Variants in CWH43 observed in about 807,000 individuals in gnomAD.
CWH43 encodes PGAP2-interacting protein.
CWH43 carries 91 observed loss-of-function variants against 85.7 expected under a neutral mutation model. The ratio of observed to expected loss-of-function variants is 1.06; its 90% confidence interval spans 0.90 to 1.26. CWH43 has a LOEUF of 1.26. Ranked by LOEUF, CWH43 falls within the 50% of genes most tolerant of loss-of-function variation. The pLI is 0.00. For missense variants in CWH43, 869 were observed against 839.2 expected, an observed-to-expected ratio of 1.04 and a Z score of -0.44; for synonymous variants, 323 against 293.6, an observed-to-expected ratio of 1.10 and a Z score of -1.02.
Position 49,061,813 on chromosome 4 carries a change from T to G in CWH43, c.2023T>G (p.Phe675Val). 1 of 1,387,676 alleles carries G rather than the reference T, an allele frequency of 7.2e-7. No individual in the cohort carries two copies. The highest frequency in any genetic ancestry group is 9.6e-7 in the Non-Finnish European group (1 of 1,044,432). 86.0% of individuals were successfully genotyped at this position (1,387,676 alleles called of 1,614,324 possible). The change falls in exon 16 of 16, where the codon TTT (phenylalanine) becomes GTT (valine). Residue 675 changes from phenylalanine (F) to valine (V), a missense_variant and splice_region_variant. By Grantham distance (50) the Phe-to-Val change is conservative. Coordinates refer to ENST00000226432, the MANE Select transcript of CWH43 (RefSeq NM_025087.3). The part of the protein sequence containing the change: ...VSEKIHFNPR[F>V]GSYKEGHNYE... The stretch of plus-strand genomic sequence containing the variant: ...TTTATTTATTTTTTATTTTTTTAGA[T>G]TTGGATCCTACAAAGAAGGACACAA...
At chr4:48,986,493 G>A in intron 1 of CWH43, 21 bp downstream of exon 1, 1 of 1,551,712 alleles carries the variant, frequency 6.4e-7, no homozygotes, top group African/African-American at 1.4e-5. Context: ...GCCCCTCGCC[G>A]CGAGTTCGCG....
At chr4:49,037,769 G>C (rs1232294647) in intron 12 of CWH43, among the ~76,000 whole-genome samples, 1 of 152,144 alleles carries the variant, frequency 6.6e-6, no homozygotes, top group Non-Finnish European at 1.5e-5. Flanking sequence ...GAACAATGCT[G>C]TATTTAGAGT....
chr4:49,047,091 G>C (rs1784648290), intron 14 of CWH43, among the ~76,000 whole-genome samples: 1 of 152,206 alleles, frequency 6.6e-6, no homozygotes, highest in African/African-American at 2.4e-5. Context: ...GACGTTAATG[G>C]ATCTCTTTAA....
chr4:49,058,136 A>G (rs946353742), intron 15 of CWH43, among the ~76,000 whole-genome samples: 8 of 152,276 alleles, frequency 5.3e-5, no homozygotes, highest in African/African-American at 1.9e-4. Context: ...CCATTTAAAG[A>G]ATTGTTTTCT....
intron 10 of CWH43, among the ~76,000 whole-genome samples, chr4:49,029,369 G>T (rs1055095879): frequency 1.3e-5 from 2 of 152,142 alleles, no homozygotes; most frequent in Non-Finnish European, 2.9e-5. Context: ...CTCCATTCTC[G>T]ATTAACCAGG....
At position 49,050,742 on chromosome 4, in the gene CWH43, T is replaced by G. The variant is rs1340865835; in HGVS notation, c.1914T>G (p.Ile638Met). ...ATGCTGAACTGAGTGATTCAGAAAT[T>G]CAGATGGCAAAATTTAGGATCCCTG... ...ISHAELSDSE[I>M]QMAKFRIPDD... Residue 638 changes from isoleucine (I) to methionine (M), a missense_variant, in exon 15 of 16, where the codon ATT (isoleucine) becomes ATG (methionine). This residue lies in a region of CWH43 where 577 missense variants were observed against 513.1 expected (regional missense o/e 1.12). Coordinates refer to ENST00000226432, the MANE Select transcript of CWH43 (RefSeq NM_025087.3). The G allele has an allele frequency of 1.9e-6, 3 of 1,613,218 alleles. No individual in the cohort carries two copies. Among genetic ancestry groups the G allele is most frequent in the Non-Finnish European group, 2.5e-6 (3 of 1,179,322 alleles).
At chr4:49,058,883 C>T (rs560040854) in intron 15 of CWH43, among the ~76,000 whole-genome samples, 1 of 152,200 alleles carries the variant, frequency 6.6e-6, no homozygotes, top group East Asian at 1.9e-4. Flanking sequence ...CTCTTGTTGC[C>T]TGCAAAATTT....
At position 49,022,670 on chromosome 4, in the gene CWH43, T is replaced by C. The variant is rs1399989149; in HGVS notation, c.1266+5342T>C. 2.0e-5 allele frequency among the ~76,000 whole-genome samples: 3 copies of C among 152,330 alleles called. No homozygotes were observed. In the East Asian group the frequency reaches 5.8e-4, roughly 29 times the overall value. ...CTGATAGAATTCAGCTGTGAATCTG[T>C]CTGTTCCTGGACTTTTTTTTGTTAG... On this transcript the variant is annotated intron_variant, in intron 9 of 15. Coordinates refer to ENST00000226432, the MANE Select transcript of CWH43 (RefSeq NM_025087.3).
At chr4:49,042,603 C>G (rs1389033380) in intron 13 of CWH43, among the ~76,000 whole-genome samples, 3 of 152,036 alleles carry the variant, frequency 2.0e-5, no homozygotes, top group Non-Finnish European at 4.4e-5. Flanking sequence ...GCGTTGAAGC[C>G]ATGGAAGTGA....
intron 5 of CWH43, among the ~76,000 whole-genome samples, chr4:48,997,657 A>G (rs1261035770): frequency 6.6e-6 from 1 of 152,082 alleles, no homozygotes. Flanking sequence ...ACAATTTTAG[A>G]TTCTTAGTCC....
intron 9 of CWH43, among the ~76,000 whole-genome samples, chr4:49,019,865 C>T (rs1313754901): frequency 1.3e-5 from 2 of 152,122 alleles, no homozygotes; most frequent in Non-Finnish European, 1.5e-5. Context: ...CAGACGTGAG[C>T]CACCGCACCT....
chr4:49,059,380 C>T (rs1251549649), intron 15 of CWH43, among the ~76,000 whole-genome samples: 1 of 152,010 alleles, frequency 6.6e-6, no homozygotes, highest in Admixed American at 6.6e-5. Context: ...GTTTAGTTGT[C>T]CATCTGTGTT....
chr4:49,032,608 T>A lies in CWH43; in HGVS notation c.1551T>A (p.His517Gln). Reference sequence around the variant, plus strand: ...GATACCCAATTGTGAAATCTGAGCATCACCTTCTTCCGTCACCAGAGGGCG... The same window carrying A: ...GATACCCAATTGTGAAATCTGAGCAACACCTTCTTCCGTCACCAGAGGGCG... ...LSRYPIVKSE[H>Q]HLLPSPEGEI... Residue 517 changes from histidine (H) to glutamine (Q), a missense_variant, in exon 12 of 16, where the codon CAT becomes CAA. His to Gln is a conservative substitution (Grantham distance 24). Coordinates refer to ENST00000226432, the MANE Select transcript of CWH43 (RefSeq NM_025087.3). 4 of 1,614,034 alleles carry A rather than the reference T, an allele frequency of 2.5e-6. No individual in the cohort carries two copies. The highest frequency in any genetic ancestry group is 2.5e-6 in the Non-Finnish European group (3 of 1,179,942).
chr4:48,990,711 G>C (rs1464084849), intron 2 of CWH43, among the ~76,000 whole-genome samples: 2 of 152,156 alleles, frequency 1.3e-5, no homozygotes, highest in Non-Finnish European at 2.9e-5. Context: ...AATATAAAAT[G>C]GCACAGCTGC....
chr4:49,015,854 T>G lies in CWH43; in HGVS notation c.1187-1395T>G, dbSNP rs556238449. 6.6e-5 allele frequency among the ~76,000 whole-genome samples: 10 copies of G among 152,304 alleles called. 1 individual carries two copies. The highest frequency in any genetic ancestry group is 1.5e-5 in the Non-Finnish European group (1 of 68,032). The stretch of plus-strand genomic sequence containing the variant: ...TTTATTTCTAGAACTCTATTTGATT[T>G]CTTTTCAAAATTTTCTGATTATTTA... On this transcript the variant is annotated intron_variant, in intron 8 of 15. Coordinates refer to ENST00000226432, the MANE Select transcript of CWH43 (RefSeq NM_025087.3).
At chr4:49,039,185 C>A (rs1207048723) in intron 13 of CWH43, among the ~76,000 whole-genome samples, 1 of 141,110 alleles carries the variant, frequency 7.1e-6, no homozygotes, top group Admixed American at 7.1e-5. Flanking sequence ...GCCAACAGGG[C>A]CCCAGCAGAT....
intron 9 of CWH43, among the ~76,000 whole-genome samples, chr4:49,021,161 G>A (rs566713123): frequency 1.6e-4 from 24 of 152,058 alleles, no homozygotes; most frequent in Non-Finnish European, 2.2e-4. Context: ...TTCCAATGTC[G>A]TATTCTAGAA....
intron 15 of CWH43, among the ~76,000 whole-genome samples, chr4:49,056,826 T>C (rs1784980072): frequency 6.6e-6 from 1 of 152,174 alleles, no homozygotes; most frequent in Non-Finnish European, 1.5e-5. Context: ...TGCTACATCC[T>C]GTAAGTTTTG....
intron 13 of CWH43, among the ~76,000 whole-genome samples, 178 bp downstream of exon 13, chr4:49,038,358 A>C (rs1005290838): frequency 7.2e-5 from 11 of 152,196 alleles, no homozygotes; most frequent in Admixed American, 5.9e-4. Flanking sequence ...TTGCTCATGA[A>C]TCTCCAATGT....
Sources: gnomAD v4.1 joint callset for allele counts (sites outside exome capture counted in the v4.1 genomes callset) on GRCh38, gnomAD v4.1.1 for gene constraint, gnomAD v4.1.1 regional missense constraint, MANE v1.5 for transcripts, NCBI Gene and HGNC (gene_info 2026-07-23, HGNC 2026-07-21) for gene names.